The following SLC25A13 variants were observed in gnomAD, a reference collection of about 807,000 sequenced individuals.
SLC25A13 encodes electrogenic aspartate/glutamate antiporter SLC25A13, mitochondrial.
A neutral mutation model predicts 85.5 loss-of-function variants in SLC25A13; 70 were observed. The ratio of observed to expected loss-of-function variants is 0.82; its 90% confidence interval spans 0.68 to 1.00. The LOEUF (loss-of-function observed/expected upper bound fraction) is 1.00, where lower values mean the gene tolerates loss of function less well. SLC25A13 is among the 50% of genes least tolerant of loss of function. The probability of loss-of-function intolerance (pLI) is 0.00; values close to 1 mark genes in which losing one functional copy is unlikely to be tolerated. For synonymous variants in SLC25A13, 259 were observed against 288.7 expected (o/e 0.90, Z 1.04); for missense variants, 765 against 819.8 (o/e 0.93, Z 0.82).
chr7:96,211,791 C>G (rs909253264), intron 4 of SLC25A13, among the ~76,000 whole-genome samples: 2 of 152,174 alleles, frequency 1.3e-5, no homozygotes, highest in African/African-American at 2.4e-5. Flanking sequence ...TCATTTCTCA[C>G]CACTTCAGTG....
chr7:96,187,118 G>A (rs1017123114), intron 9 of SLC25A13, among the ~76,000 whole-genome samples: 4 of 152,138 alleles, frequency 2.6e-5, no homozygotes, highest in African/African-American at 9.7e-5. Context: ...GCACTTCTCT[G>A]TCTGCATAAA....
intron 3 of SLC25A13, among the ~76,000 whole-genome samples, chr7:96,235,294 C>T (rs1267231251): frequency 1.3e-5 from 2 of 152,136 alleles, no homozygotes; most frequent in Non-Finnish European, 2.9e-5. Context: ...CTTTGTTATG[C>T]ATTAGTATCC....
Position 96,277,336 on chromosome 7 carries a change from A to C in SLC25A13, c.72T>G (p.Tyr24Ter), listed in dbSNP as rs1311945646. ...PAELRTIFLK[Y>*]ASIEKNGEFF... ...ATTCACCGTTTTTCTCAATGCTTGCATACTGTTTAAAAAAAAGAAAAACAG... is the reference window on the plus strand; with the variant it reads ...ATTCACCGTTTTTCTCAATGCTTGCCTACTGTTTAAAAAAAAGAAAAACAG... Residue 24 changes from tyrosine to a stop codon, truncating the protein, a stop_gained and splice_region_variant, in exon 3 of 18, where the codon TAT (tyrosine) becomes TAG (stop). Coordinates refer to ENST00000265631, the MANE Select transcript of SLC25A13 (RefSeq NM_014251.3). LOFTEE classifies it high-confidence loss of function. 10 of 1,611,504 alleles carry C rather than the reference A, an allele frequency of 6.2e-6. No homozygotes were observed. Among genetic ancestry groups the C allele is most frequent in the Non-Finnish European group, 8.5e-6 (10 of 1,178,610 alleles).
intron 11 of SLC25A13, among the ~76,000 whole-genome samples, chr7:96,182,533 C>G (rs1794457634): frequency 6.6e-6 from 1 of 152,226 alleles, no homozygotes; most frequent in Non-Finnish European, 1.5e-5. Context: ...AATATATTGA[C>G]TTACTACTCC....
chr7:96,122,843 C>G (rs1455782256), intron 15 of SLC25A13, among the ~76,000 whole-genome samples: 2 of 152,224 alleles, frequency 1.3e-5, no homozygotes, highest in Non-Finnish European at 2.9e-5. Context: ...ACTCAGAAGA[C>G]ACTGTCTCTT....
intron 11 of SLC25A13, among the ~76,000 whole-genome samples, chr7:96,178,287 C>T (rs369539002): frequency 1.2e-4 from 19 of 152,190 alleles, no homozygotes; most frequent in Admixed American, 7.2e-4. Context: ...CGCTGGGCAA[C>T]GCTAGCAGGA....
chr7:96,287,740 CA>C (rs1011526208), intron 2 of SLC25A13, among the ~76,000 whole-genome samples: 1 of 152,224 alleles, frequency 6.6e-6, no homozygotes, highest in African/African-American at 2.4e-5. Flanking sequence ...TGTATTGAGA[CA>C]CCCTCTATGG....
chr7:96,208,362 C>CA (rs1008489992), intron 5 of SLC25A13, among the ~76,000 whole-genome samples: 1 of 152,060 alleles, frequency 6.6e-6, no homozygotes, highest in Admixed American at 6.6e-5. Flanking sequence ...AAATACTTCT[C>CA]AATGGGACAG....
chr7:96,321,808 A>T, intron 1 of SLC25A13, 134 bp downstream of exon 1: 4 of 1,174,034 alleles, frequency 3.4e-6, no homozygotes, highest in Non-Finnish European at 4.6e-6. Flanking sequence ...CAGCAGCCGC[A>T]AGGTGGAACG....
chr7:96,220,895 T>C (rs756353538), intron 4 of SLC25A13, among the ~76,000 whole-genome samples: 19 of 152,168 alleles, frequency 1.2e-4, no homozygotes, highest in Non-Finnish European at 2.5e-4. Flanking sequence ...CTTCAGGCAG[T>C]AGTTAACTAA....
intron 15 of SLC25A13, among the ~76,000 whole-genome samples, chr7:96,122,341 T>C (rs570249243): frequency 6.6e-6 from 1 of 152,350 alleles, no homozygotes; most frequent in Admixed American, 6.5e-5. Context: ...TCTTTTCTTT[T>C]TCTTTCCTGT....
chr7:96,264,535 C>T (rs761437299), intron 3 of SLC25A13, among the ~76,000 whole-genome samples: 4 of 152,180 alleles, frequency 2.6e-5, no homozygotes, highest in Non-Finnish European at 5.9e-5. Context: ...GGTCTCAGGA[C>T]CTCTTAACAC....
At chr7:96,188,831 C>T (rs1794732257) in intron 9 of SLC25A13, among the ~76,000 whole-genome samples, 2 of 152,178 alleles carry the variant, frequency 1.3e-5, no homozygotes, top group Non-Finnish European at 2.9e-5. Flanking sequence ...CCAGACTAAA[C>T]AAAATTATCT....
At chr7:96,234,246 T>C (rs1330930501) in intron 4 of SLC25A13, among the ~76,000 whole-genome samples, 2 of 152,172 alleles carry the variant, frequency 1.3e-5, no homozygotes, top group South Asian at 2.1e-4. Flanking sequence ...TGTTTGTGCC[T>C]TGCAAAATAA....
chr7:96,249,571 T>C (rs781363583), intron 3 of SLC25A13, among the ~76,000 whole-genome samples: 1 of 152,212 alleles, frequency 6.6e-6, no homozygotes, highest in Non-Finnish European at 1.5e-5. Context: ...TCCCAATTGA[T>C]CTGGCATGTT....
chr7:96,170,212 ATTTT>A, intron 12 of SLC25A13, 87 bp from the exon 13 acceptor site: 1 of 1,165,372 alleles, frequency 8.6e-7, no homozygotes, highest in South Asian at 1.2e-5. Context: ...AATATATGCT[ATTTT>A]TTTCTATCAG....
chr7:96,298,311 G>C (rs556484312), intron 1 of SLC25A13, among the ~76,000 whole-genome samples: 1 of 152,294 alleles, frequency 6.6e-6, no homozygotes, highest in East Asian at 1.9e-4. Context: ...CTAATCACTA[G>C]AATGGGAGTA....
intron 13 of SLC25A13, among the ~76,000 whole-genome samples, chr7:96,151,287 T>C (rs1303661885): frequency 6.6e-6 from 1 of 152,114 alleles, no homozygotes; most frequent in Non-Finnish European, 1.5e-5. Context: ...GTACCAGGGA[T>C]TGTGGTAAGA....
intron 15 of SLC25A13, 27 bp from the exon 16 acceptor site, chr7:96,122,024 A>G (rs1791534769): frequency 6.2e-7 from 1 of 1,613,468 alleles, no homozygotes; most frequent in African/African-American, 1.3e-5. Context: ...ACACCATCTC[A>G]GTCTGGTCAC....
Sources: allele counts gnomAD v4.1 joint callset (sites outside exome capture counted in the v4.1 genomes callset), GRCh38; gene constraint gnomAD v4.1.1; transcripts MANE v1.5; gene names NCBI Gene and HGNC (gene_info 2026-07-23, HGNC 2026-07-21).